Variants in BLMH observed in about 807,000 individuals in gnomAD.
BLMH encodes BLM hydrolase.
Under a neutral mutation model 61.6 loss-of-function variants are expected in BLMH, and 32 were observed. The ratio of observed to expected loss-of-function variants is 0.52; its 90% CI spans 0.39 to 0.70. The LOEUF (loss-of-function observed/expected upper bound fraction) is 0.70, where lower values mean the gene tolerates loss of function less well. BLMH is among the 30% of genes least tolerant of loss of function. The probability of loss-of-function intolerance (pLI) is 0.00; values close to 1 mark genes in which losing one functional copy is unlikely to be tolerated. For synonymous variants in BLMH, 183 were observed against 193.8 expected (o/e 0.94, Z 0.46); for missense variants, 460 against 555.5 (o/e 0.83, Z 1.73).
chr17:30,271,091 T>C (rs575290167), intron 10 of BLMH, among the ~76,000 whole-genome samples, 180 bp downstream of exon 10: 4 of 152,366 alleles, frequency 2.6e-5, no homozygotes, highest in African/African-American at 9.6e-5. Context: ...GTTCCTATTT[T>C]TATATTACCT....
At chr17:30,253,818 C>T (rs375190229) in intron 11 of BLMH, among the ~76,000 whole-genome samples, 1 of 152,084 alleles carries the variant, frequency 6.6e-6, no homozygotes, top group African/African-American at 2.4e-5. Flanking sequence ...TGTTTACATG[C>T]GATGAGAAAG....
intron 6 of BLMH, among the ~76,000 whole-genome samples, chr17:30,282,873 T>C (rs551199882): frequency 2.0e-5 from 3 of 152,330 alleles, no homozygotes; most frequent in African/African-American, 7.2e-5. Flanking sequence ...TAAAACCTTA[T>C]ACACAGGGCC....
chr17:30,251,455 C>T lies in BLMH; in HGVS notation c.1217-2287G>A, dbSNP rs149891612. ...GAATCAAGAGAAAGGCAGGCACACA[C>T]ATCCAAGGGCTCCCGGACTAGCAAT... On this transcript the variant is annotated intron_variant, in intron 11 of 11. Transcript: ENST00000261714. Among the ~76,000 whole-genome samples the T allele has an allele frequency of 2.0e-5, 3 of 152,352 alleles. No individual in the cohort carries two copies. In the East Asian group the frequency reaches 5.8e-4, roughly 29 times the overall value.
intron 6 of BLMH, among the ~76,000 whole-genome samples, chr17:30,277,635 T>G (rs759451914): frequency 1.3e-5 from 2 of 152,226 alleles, no homozygotes; most frequent in Non-Finnish European, 2.9e-5. Flanking sequence ...CCAACTAAGA[T>G]GAAGATAACT....
Position 30,291,291 on chromosome 17 carries a change from G to C in BLMH, c.211+20C>G. 1.9e-6 allele frequency: 3 copies of C among 1,602,540 alleles called. No homozygotes were observed. The highest frequency in any genetic ancestry group is 2.6e-6 in the Non-Finnish European group (3 of 1,175,022). ...TGTCAGGAAGGTCAAGGAACGTATGGGAGAAGTGGAAGCCCACACCTGAGC... is the reference window on the plus strand; with the variant it reads ...TGTCAGGAAGGTCAAGGAACGTATGCGAGAAGTGGAAGCCCACACCTGAGC... On this transcript the variant is annotated intron_variant, in intron 2 of 11. Transcript: ENST00000261714.
In BLMH at chr17:30,266,766, A is replaced by C. The variant is rs1396333324; in HGVS notation, c.1216+119T>G. 3.4e-6 allele frequency: 3 copies of C among 885,520 alleles called. No homozygotes were observed. In the African/African-American group the frequency reaches 5.0e-5, roughly 15 times the overall value. 54.9% of individuals were successfully genotyped at this position (885,520 alleles called of 1,614,324 possible). ...AGATCCTCAGATTTTTCTGTAGAAT[A>C]ATCTAGTCAGTGGAGCCAATTACTG... On this transcript the variant is annotated intron_variant, in intron 11 of 11. Coordinates refer to ENST00000261714, the MANE Select transcript of BLMH (RefSeq NM_000386.4).
At chr17:30,269,514 G>T (rs944697137) in intron 10 of BLMH, among the ~76,000 whole-genome samples, 1 of 152,072 alleles carries the variant, frequency 6.6e-6, no homozygotes, top group South Asian at 2.1e-4. Context: ...TTTATGTTTT[G>T]TTTATAATTC....
At chr17:30,283,248 T>C (rs183887663) in intron 6 of BLMH, among the ~76,000 whole-genome samples, 163 of 152,262 alleles carry the variant, frequency 1.1e-3, no homozygotes, top group African/African-American at 3.8e-3. Flanking sequence ...AAAACATTCA[T>C]ACTCAGGATT....
Position 30,248,839 on chromosome 17 carries a change from C to G in BLMH, c.*178G>C. The G allele has an allele frequency of 1.5e-6, 1 of 688,276 alleles. No individual in the cohort carries two copies. The highest frequency in any genetic ancestry group is 2.2e-5 in the South Asian group (1 of 45,978). The allele number at this position is 688,276 out of a possible 1,614,324, so 42.6% of individuals were successfully genotyped here. On this transcript the variant is annotated 3_prime_UTR_variant, in exon 12 of 12. Transcript: ENST00000261714. ...TTCCCCCCTCTTTTTTTTCCTTTAA[C>G]AGTATTCTGTTTCAGCATAAAGCAC... is the stretch of plus-strand genomic sequence containing the variant.
chr17:30,251,317 G>T (rs556810117), intron 11 of BLMH, among the ~76,000 whole-genome samples: 2 of 152,156 alleles, frequency 1.3e-5, no homozygotes. Context: ...TGCTTTACCC[G>T]AGCCATTGCT....
intron 11 of BLMH, among the ~76,000 whole-genome samples, chr17:30,252,391 G>A (rs545845719): frequency 2.6e-5 from 4 of 152,034 alleles, no homozygotes; most frequent in South Asian, 2.1e-4. Flanking sequence ...CATAGCATAC[G>A]TTTACCCTCA....
intron 10 of BLMH, 133 bp downstream of exon 10, chr17:30,271,138 G>T: frequency 1.5e-6 from 1 of 685,062 alleles, no homozygotes; most frequent in Non-Finnish European, 2.5e-6. Flanking sequence ...ACGCAGGTAC[G>T]ATGTCTTACT....
At chr17:30,268,830 A>C (rs1466165039) in intron 10 of BLMH, among the ~76,000 whole-genome samples, 1 of 150,404 alleles carries the variant, frequency 6.6e-6, no homozygotes, top group Non-Finnish European at 1.5e-5. Context: ...TGAGGTCAGG[A>C]GTTCAAGACC....
chr17:30,268,411 C>T (rs140444431), intron 10 of BLMH, among the ~76,000 whole-genome samples: 7 of 152,278 alleles, frequency 4.6e-5, no homozygotes, highest in African/African-American at 1.7e-4. Flanking sequence ...GCATTTACCT[C>T]TGTACTATTA....
Position 30,248,823 on chromosome 17 carries a change from CT to C in BLMH, c.*193del. ...ATAGTATGACCTGATCTTCCCCCCT[CT>C]TTTTTTTCCTTTAACAGTATTCTGT... On this transcript the variant is annotated 3_prime_UTR_variant, in exon 12 of 12. Transcript: ENST00000261714. 4.6e-5 allele frequency: 28 copies of C among 614,046 alleles called. No individual in the cohort carries two copies. The highest frequency in any genetic ancestry group is 7.0e-5 in the South Asian group (3 of 42,812). 38.0% of individuals were successfully genotyped at this position (614,046 alleles called of 1,614,324 possible).
chr17:30,275,039 T>TAA (rs539113684), intron 6 of BLMH, among the ~76,000 whole-genome samples: 1 of 125,450 alleles, frequency 8.0e-6, no homozygotes. Flanking sequence ...AGTCATGGTT[T>TAA]AAAAAAAAAA....
intron 5 of BLMH, among the ~76,000 whole-genome samples, chr17:30,286,516 C>T (rs972421824): frequency 8.5e-5 from 13 of 152,136 alleles, no homozygotes; most frequent in African/African-American, 3.1e-4. Context: ...TGAGAGACAC[C>T]GCACCCTGTG....
intron 11 of BLMH, among the ~76,000 whole-genome samples, chr17:30,263,058 T>C (rs1278220144): frequency 6.6e-6 from 1 of 152,284 alleles, no homozygotes; most frequent in African/African-American, 2.4e-5. Flanking sequence ...TACAGTTTTA[T>C]ATCCCTTCAT....
In BLMH at chr17:30,269,264, G is replaced by A. The variant is rs555145907; in HGVS notation, c.1146+2007C>T. Among the ~76,000 whole-genome samples, 43 of 144,330 alleles carry A rather than the reference G, an allele frequency of 3.0e-4. 1 individual carries two copies. The highest frequency in any genetic ancestry group is 1.1e-3 in the African/African-American group (41 of 39,026). The allele number at this position is 144,330 out of a possible 152,430, so 94.7% of individuals were successfully genotyped here. A position where few individuals can be genotyped will look rare whatever the true frequency, so the allele number is the denominator to read the frequency against. ...GCAATCTTGTCTCACTGCAACCTCC[G>A]CTTCCCGGGTTCAAAGGATTCTCCT... On this transcript the variant is annotated intron_variant, in intron 10 of 11. Coordinates refer to ENST00000261714, the MANE Select transcript of BLMH (RefSeq NM_000386.4).
Sources: gnomAD v4.1 joint callset for allele counts (sites outside exome capture counted in the v4.1 genomes callset) on GRCh38, gnomAD v4.1.1 for gene constraint, MANE v1.5 for transcripts, NCBI Gene and HGNC (gene_info 2026-07-23, HGNC 2026-07-21) for gene names.